The following GPR176 variants were observed in gnomAD, a reference collection of about 807,000 sequenced individuals.
GPR176 encodes G-protein coupled receptor 176.
Under a neutral mutation model 35.4 loss-of-function variants are expected in GPR176, and 26 were observed. That is an observed-to-expected ratio of 0.74 (90% CI 0.54 to 1.02). GPR176 has a LOEUF of 1.02. Ranked by LOEUF, GPR176 falls within the 50% of genes least tolerant of loss-of-function variation. The pLI is 0.00. For synonymous variants in GPR176, 278 were observed against 271.3 expected, an observed-to-expected ratio of 1.02 and a Z score of -0.24; for missense variants, 597 against 665.3, an observed-to-expected ratio of 0.90 and a Z score of 1.13.
At chr15:39,830,484 A>G (rs757618804) in intron 1 of GPR176, among the ~76,000 whole-genome samples, 2 of 152,212 alleles carry the variant, frequency 1.3e-5, no homozygotes, top group Non-Finnish European at 2.9e-5. Context: ...CCAGGCAGAC[A>G]AAAGAGAGAG....
intron 1 of GPR176, among the ~76,000 whole-genome samples, chr15:39,864,905 G>C (rs1013812499): frequency 4.3e-5 from 6 of 141,052 alleles, no homozygotes; most frequent in African/African-American, 7.9e-5. Context: ...TTCAAAAGAA[G>C]ACATACAAAT....
chr15:39,908,265 C>T (rs57490514), intron 1 of GPR176, among the ~76,000 whole-genome samples: 1,772 of 152,340 alleles, frequency 0.012, 24 homozygotes, highest in African/African-American at 0.031. Flanking sequence ...ATGAGCATCT[C>T]TTCAGTTGCC....
At chr15:39,818,520 T>G (rs1212244870) in intron 1 of GPR176, among the ~76,000 whole-genome samples, 1 of 152,204 alleles carries the variant, frequency 6.6e-6, no homozygotes, top group African/African-American at 2.4e-5. Flanking sequence ...CTGTAATATA[T>G]AAGAATATAT....
At chr15:39,807,493 A>G (rs1268907959) in intron 1 of GPR176, 2 of 1,332,614 alleles carry the variant, frequency 1.5e-6, no homozygotes, top group Non-Finnish European at 1.0e-6. Context: ...GAGTTTCTCT[A>G]TTTAATTTTG....
chr15:39,898,871 G>A lies in GPR176; in HGVS notation c.172+20984C>T, dbSNP rs566032487. Among the ~76,000 whole-genome samples the A allele has an allele frequency of 3.3e-5, 5 of 152,270 alleles. No homozygotes were observed. The East Asian group carries it at 9.7e-4, about 29-fold the overall frequency. ...AGCACTGTGTGGGTGGGGGAGAAGG[G>A]GTCAAGGAGCAAGAGACCTTGAAGA... is the stretch of plus-strand genomic sequence containing the variant. On this transcript the variant is annotated intron_variant, in intron 1 of 2. Coordinates refer to ENST00000561100, the MANE Select transcript of GPR176 (RefSeq NM_007223.3).
chr15:39,803,251 C>T (rs1311185187), intron 2 of GPR176, among the ~76,000 whole-genome samples: 2 of 140,378 alleles, frequency 1.4e-5, no homozygotes, highest in Admixed American at 1.5e-4. Flanking sequence ...AGCACATAAG[C>T]TTTCAGATAA....
intron 1 of GPR176, among the ~76,000 whole-genome samples, chr15:39,872,749 A>G (rs2032091598): frequency 6.6e-6 from 1 of 152,130 alleles, no homozygotes; most frequent in Non-Finnish European, 1.5e-5. Flanking sequence ...CGTACCTTTA[A>G]AAGACCATAT....
intron 1 of GPR176, among the ~76,000 whole-genome samples, chr15:39,884,390 T>C (rs1164499238): frequency 1.3e-5 from 2 of 152,248 alleles, no homozygotes; most frequent in Admixed American, 6.5e-5. Context: ...AATTATACTA[T>C]GATTAAACAC....
chr15:39,837,911 G>A (rs1901500766), intron 1 of GPR176, among the ~76,000 whole-genome samples: 1 of 151,352 alleles, frequency 6.6e-6, no homozygotes, highest in Non-Finnish European at 1.5e-5. Flanking sequence ...CCCAGCACTT[G>A]GGTGGCTGAG....
intron 2 of GPR176, among the ~76,000 whole-genome samples, chr15:39,803,808 A>T (rs1421280949): frequency 6.6e-6 from 1 of 152,246 alleles, no homozygotes; most frequent in African/African-American, 2.4e-5. Context: ...GAGACACTGC[A>T]GTGGAGTCTG....
In GPR176 at chr15:39,916,201, T is replaced by C. The variant is rs529243517; in HGVS notation, c.172+3654A>G. ...GTTCAATCCACCATTTCCAGTTCAA[T>C]TGGAAATGGTGATTCCAGATCTTTT... On this transcript the variant is annotated intron_variant, in intron 1 of 2. Transcript: ENST00000561100. 9.6e-4 allele frequency among the ~76,000 whole-genome samples: 146 copies of C among 152,314 alleles called. 1 individual carries two copies. The highest frequency in any genetic ancestry group is 1.8e-3 in the Non-Finnish European group (120 of 68,020).
At chr15:39,865,971 A>T (rs1478326703) in intron 1 of GPR176, among the ~76,000 whole-genome samples, 1 of 152,200 alleles carries the variant, frequency 6.6e-6, no homozygotes. Context: ...AGAGGGAACC[A>T]GTTAAATAAA....
At chr15:39,917,510 AT>A (rs1224835099) in intron 1 of GPR176, among the ~76,000 whole-genome samples, 2 of 150,846 alleles carry the variant, frequency 1.3e-5, no homozygotes, top group Non-Finnish European at 3.0e-5. Context: ...TAATTTTTGT[AT>A]TTTTAGTACA....
chr15:39,883,380 T>C (rs533779552), intron 1 of GPR176, among the ~76,000 whole-genome samples: 1 of 151,154 alleles, frequency 6.6e-6, no homozygotes, highest in East Asian at 1.9e-4. Context: ...GCATGCTTTT[T>C]AAAAAAAAAC....
At chr15:39,816,739 T>C (rs1899930504) in intron 1 of GPR176, among the ~76,000 whole-genome samples, 1 of 152,208 alleles carries the variant, frequency 6.6e-6, no homozygotes. Flanking sequence ...ATTCTAACTA[T>C]GCTTGGTTAC....
intron 1 of GPR176, among the ~76,000 whole-genome samples, chr15:39,905,795 G>A (rs1396923354): frequency 2.6e-5 from 4 of 152,182 alleles, no homozygotes; most frequent in Admixed American, 2.0e-4. Flanking sequence ...TGGTTGCCAA[G>A]GGTGAAGGAG....
intron 1 of GPR176, among the ~76,000 whole-genome samples, chr15:39,824,971 A>G (rs1336391417): frequency 6.6e-6 from 1 of 152,156 alleles, no homozygotes; most frequent in African/African-American, 2.4e-5. Flanking sequence ...TTGGGAGGCC[A>G]AAGTGGGAGG....
Position 39,807,272 on chromosome 15 carries a change from A to C in GPR176, c.173-14T>G. ...CCATGAAGTTTCCTGGTCAGATATGAAAGAAAATAAAATAATTTAAATAAA... is the reference window on the plus strand; with the variant it reads ...CCATGAAGTTTCCTGGTCAGATATGCAAGAAAATAAAATAATTTAAATAAA... On this transcript the variant is annotated splice_polypyrimidine_tract_variant and intron_variant, in intron 1 of 2. Transcript: ENST00000561100. 6.9e-7 allele frequency: 1 copy of C among 1,441,510 alleles called. No individual in the cohort carries two copies. Among genetic ancestry groups the C allele is most frequent in the Non-Finnish European group, 9.2e-7 (1 of 1,082,638 alleles). The allele number at this position is 1,441,510 out of a possible 1,614,324, so 89.3% of individuals were successfully genotyped here.
At position 39,919,900 on chromosome 15, in the gene GPR176, A is replaced by C. The variant is rs1486178800; in HGVS notation, c.127T>G (p.Phe43Val). ...ATGACGACCTGCACGGTGGTGGTGA[A>C]CTGGCGGTACAGCTGCGCCTCGCCG... is the stretch of plus-strand genomic sequence containing the variant. ...EFGEAQLYRQFTTTVQVVIFI... is the reference protein window; with the variant it reads ...EFGEAQLYRQVTTTVQVVIFI... Residue 43 changes from phenylalanine to valine, a missense_variant, in exon 1 of 3, where the codon TTC (phenylalanine) becomes GTC (valine). Physicochemically the swap from Phe to Val is conservative, Grantham distance 50 (BLOSUM62 -1). Around this residue, in one of 3 missense-constraint regions of GPR176, gnomAD observed 126 missense variants for 112.4 expected, o/e 1.12. Transcript: ENST00000561100. 6.6e-7 allele frequency: 1 copy of C among 1,522,892 alleles called. No homozygotes were observed. 94.3% of individuals were successfully genotyped at this position (1,522,892 alleles called of 1,614,324 possible). A position where few individuals can be genotyped will look rare whatever the true frequency, so the allele number is the denominator to read the frequency against.
Sources: gnomAD v4.1 joint callset for allele counts (sites outside exome capture counted in the v4.1 genomes callset) on GRCh38, gnomAD v4.1.1 for gene constraint, gnomAD v4.1.1 regional missense constraint, MANE v1.5 for transcripts, NCBI Gene and HGNC (gene_info 2026-07-23, HGNC 2026-07-21) for gene names.